SIPA1L1: variants seen among roughly 807,000 people sequenced by gnomAD.
SIPA1L1 encodes the protein signal induced proliferation associated 1 like 1.
A neutral mutation model predicts 162.7 loss-of-function variants in SIPA1L1; 26 were observed. The ratio of observed to expected loss-of-function variants is 0.16; its 90% CI spans 0.12 to 0.22. The LOEUF (loss-of-function observed/expected upper bound fraction) is 0.22. SIPA1L1 is among the 10% of genes least tolerant of loss of function. The pLI, the probability that SIPA1L1 is intolerant of heterozygous loss-of-function variation, is 1.00. For missense variants in SIPA1L1, 1,874 were observed against 2,241.0 expected, an observed-to-expected ratio of 0.84 and a Z score of 3.31; for synonymous variants, 829 against 837.4, an observed-to-expected ratio of 0.99 and a Z score of 0.17.
chr14:71,580,729 T>A (rs781402266), intron 4 of SIPA1L1, among the ~76,000 whole-genome samples: 5 of 152,298 alleles, frequency 3.3e-5, no homozygotes, highest in South Asian at 4.1e-4. Context: ...TTTAACAAAG[T>A]ATAGTATCTT....
At position 71,633,325 on chromosome 14, in the gene SIPA1L1, A is replaced by G. The variant is rs572647507; in HGVS notation, c.1818+9089A>G. 2.0e-5 allele frequency among the ~76,000 whole-genome samples: 3 copies of G among 152,002 alleles called. 1 individual carries two copies. The South Asian group carries it at 6.2e-4, about 32-fold the overall frequency. On this transcript the variant is annotated intron_variant, in intron 7 of 23. Coordinates refer to ENST00000381232, the MANE Select transcript of SIPA1L1 (RefSeq NM_001386936.1). ...TTTTTAGTATTTTTGTATTTTTATT[A>G]GAGACGCCCAGCTAATTTTTGTATT...
At chr14:71,573,780 A>G in intron 4 of SIPA1L1, 1 of 452,850 alleles carries the variant, frequency 2.2e-6, no homozygotes, top group Non-Finnish European at 4.4e-6. Flanking sequence ...TAACTTTGTC[A>G]CTGTTAACAG....
At chr14:71,407,979 A>G (rs2140219300) in intron 2 of SIPA1L1, among the ~76,000 whole-genome samples, 1 of 152,304 alleles carries the variant, frequency 6.6e-6, no homozygotes, top group Non-Finnish European at 1.5e-5. Flanking sequence ...CCTTTTAAAT[A>G]TAGTCTTAGA....
At chr14:71,324,913 GTGTAGGAGCTTCC>G (rs1295729498) in intron 2 of SIPA1L1, among the ~76,000 whole-genome samples, 3 of 152,144 alleles carry the variant, frequency 2.0e-5, no homozygotes, top group African/African-American at 7.2e-5. Flanking sequence ...AAACAGGAAC[GTGTAGGAGCTTCC>G]TGTTGAAAAT....
intron 19 of SIPA1L1, among the ~76,000 whole-genome samples, chr14:71,726,168 T>C (rs2150256546): frequency 6.6e-6 from 1 of 152,352 alleles, no homozygotes; most frequent in Non-Finnish European, 1.5e-5. Context: ...TTTGTTAACA[T>C]GATTTATGTT....
chr14:71,459,286 T>C (rs2046410901), intron 2 of SIPA1L1, among the ~76,000 whole-genome samples: 1 of 152,132 alleles, frequency 6.6e-6, no homozygotes, highest in African/African-American at 2.4e-5. Flanking sequence ...GTGGCTTCTT[T>C]TAAGTCCTTA....
intron 22 of SIPA1L1, among the ~76,000 whole-genome samples, chr14:71,736,316 G>C (rs1190331677): frequency 6.6e-6 from 1 of 152,162 alleles, no homozygotes; most frequent in East Asian, 1.9e-4. Context: ...AGAATCACTT[G>C]AACCCAGGAG....
chr14:71,387,776 C>T (rs1469025789), intron 2 of SIPA1L1, among the ~76,000 whole-genome samples: 5 of 151,868 alleles, frequency 3.3e-5, no homozygotes, highest in East Asian at 1.9e-4. Context: ...TAACCAGCAT[C>T]GTAACCCTTC....
chr14:71,572,304 T>A (rs1385726149), intron 4 of SIPA1L1, among the ~76,000 whole-genome samples: 2 of 152,190 alleles, frequency 1.3e-5, no homozygotes, highest in East Asian at 3.8e-4. Context: ...GGTACAAATA[T>A]TCGGACCATA....
chr14:71,597,759 G>A (rs531736831), intron 5 of SIPA1L1, among the ~76,000 whole-genome samples: 1 of 152,272 alleles, frequency 6.6e-6, no homozygotes, highest in African/African-American at 2.4e-5. Context: ...CTACCTGACA[G>A]GCTCCTGCCT....
chr14:71,438,235 C>A (rs1006151683), intron 2 of SIPA1L1, among the ~76,000 whole-genome samples: 2 of 152,144 alleles, frequency 1.3e-5, no homozygotes, highest in African/African-American at 4.8e-5. Context: ...TCTCAAACTT[C>A]TTTAATCATC....
chr14:71,701,101 C>T (rs1384238422), intron 14 of SIPA1L1, among the ~76,000 whole-genome samples: 1 of 148,032 alleles, frequency 6.8e-6, no homozygotes, highest in African/African-American at 2.5e-5. Context: ...GATTTTTCTC[C>T]TTGGCTTCTT....
intron 2 of SIPA1L1, among the ~76,000 whole-genome samples, chr14:71,366,276 C>T (rs1239843894): frequency 6.6e-6 from 1 of 152,112 alleles, no homozygotes; most frequent in African/African-American, 2.4e-5. Context: ...TCCTATTCTA[C>T]TGCCTTTTCC....
At chr14:71,506,516 CT>C (rs2050682525) in intron 2 of SIPA1L1, among the ~76,000 whole-genome samples, 1 of 151,932 alleles carries the variant, frequency 6.6e-6, no homozygotes, top group South Asian at 2.1e-4. Flanking sequence ...AATTTTTGTA[CT>C]TTTAGTAGAG....
intron 5 of SIPA1L1, among the ~76,000 whole-genome samples, chr14:71,593,187 T>TGTTA (rs1207715832): frequency 1.4e-5 from 2 of 139,464 alleles, no homozygotes; most frequent in Non-Finnish European, 3.0e-5. Context: ...ATGTGTTTTG[T>TGTTA]GTTATTTATT....
At chr14:71,488,605 ATGT>A (rs1393292353) in intron 2 of SIPA1L1, among the ~76,000 whole-genome samples, 30 of 152,340 alleles carry the variant, frequency 2.0e-4, no homozygotes, top group African/African-American at 7.0e-4. Flanking sequence ...TCTCTAAGAG[ATGT>A]TGTAATAGGA....
intron 2 of SIPA1L1, among the ~76,000 whole-genome samples, chr14:71,465,539 C>T (rs1179776912): frequency 1.3e-5 from 2 of 152,190 alleles, no homozygotes; most frequent in African/African-American, 4.8e-5. Context: ...ATTTATTTTG[C>T]ATAACTCTAA....
At chr14:71,397,856 T>C (rs1226133909) in intron 2 of SIPA1L1, among the ~76,000 whole-genome samples, 1 of 152,218 alleles carries the variant, frequency 6.6e-6, no homozygotes, top group Non-Finnish European at 1.5e-5. Context: ...GTACATCTTA[T>C]GTAAGTACAC....
intron 4 of SIPA1L1, among the ~76,000 whole-genome samples, chr14:71,529,847 T>G (rs1276772366): frequency 1.3e-5 from 2 of 152,204 alleles, no homozygotes; most frequent in African/African-American, 4.8e-5. Context: ...GGCTCCAATG[T>G]GGGTTTGCCT....
Sources: gnomAD v4.1 joint callset for allele counts (sites outside exome capture counted in the v4.1 genomes callset) on GRCh38, gnomAD v4.1.1 for gene constraint, MANE v1.5 for transcripts, NCBI Gene and HGNC (gene_info 2026-07-23, HGNC 2026-07-21) for gene names.